SORCS2: variants seen among roughly 807,000 people sequenced by gnomAD.
SORCS2 encodes sortilin related VPS10 domain containing receptor 2.
A neutral mutation model predicts 141.6 loss-of-function variants in SORCS2; 100 were observed. The ratio of observed to expected loss-of-function variants is 0.71; its 90% CI spans 0.60 to 0.83. SORCS2 has a LOEUF of 0.83. SORCS2 is among the 40% of genes least tolerant of loss of function. The pLI, the probability that SORCS2 is intolerant of heterozygous loss-of-function variation, is 0.00. For synonymous variants in SORCS2, 789 were observed against 676.9 expected (o/e 1.17, Z -2.57); for missense variants, 1,646 against 1,560.2 (o/e 1.05, Z -0.93).
intron 3 of SORCS2, among the ~76,000 whole-genome samples, chr4:7,537,180 T>TTTA (rs1330003580): frequency 1.3e-5 from 2 of 152,214 alleles, no homozygotes; most frequent in Non-Finnish European, 2.9e-5. Flanking sequence ...TGCTGAGCTG[T>TTTA]GTAACTCTGG....
chr4:7,728,284 C>T, intron 21 of SORCS2, 66 bp from the exon 22 acceptor site: 13 of 1,241,922 alleles, frequency 1.0e-5, no homozygotes, highest in Non-Finnish European at 1.4e-5. Flanking sequence ...CCCCGACCCC[C>T]ACCCTGGAGC....
At chr4:7,357,130 G>A (rs1216954315) in intron 1 of SORCS2, among the ~76,000 whole-genome samples, 1 of 152,116 alleles carries the variant, frequency 6.6e-6, no homozygotes, top group Non-Finnish European at 1.5e-5. Flanking sequence ...CCCAGGTGGT[G>A]CAGCCACACT....
intron 3 of SORCS2, among the ~76,000 whole-genome samples, chr4:7,621,760 C>T (rs912727552): frequency 2.0e-5 from 3 of 152,214 alleles, no homozygotes; most frequent in Middle Eastern, 3.2e-3. Context: ...CACTGTCCAC[C>T]GAGCTTCCCT....
At chr4:7,508,274 A>G (rs1732398921) in intron 2 of SORCS2, among the ~76,000 whole-genome samples, 1 of 92,296 alleles carries the variant, frequency 1.1e-5, no homozygotes, top group African/African-American at 4.7e-5. Context: ...GGAAAAACAG[A>G]GGGTGGCCCT....
At chr4:7,734,144 G>A (rs1347725318) in intron 24 of SORCS2, 128 bp from the exon 25 acceptor site, 2 of 645,004 alleles carry the variant, frequency 3.1e-6, no homozygotes, top group Non-Finnish European at 5.3e-6. Flanking sequence ...CCAGGGACAG[G>A]CAGGGGACAA....
At chr4:7,215,014 C>T (rs1728245047) in intron 1 of SORCS2, among the ~76,000 whole-genome samples, 1 of 152,082 alleles carries the variant, frequency 6.6e-6, no homozygotes, top group South Asian at 2.1e-4. Flanking sequence ...TCTGCCTGGG[C>T]TCCCACTTTG....
chr4:7,689,553 C>G lies in SORCS2; in HGVS notation c.1556C>G (p.Thr519Ser). The part of the protein sequence containing the change: ...DNPYVSGTVH[T>S]KDTAPGLIMG... ...CCCTACGTATCAGGCACCGTGCACA[C>G]CAAGGACACCGCCCCAGGCCTCATC... The change falls in exon 11 of 27, where the codon ACC becomes AGC. Residue 519 changes from threonine to serine, a missense_variant. Coordinates refer to ENST00000507866, the MANE Select transcript of SORCS2 (RefSeq NM_020777.3). 1 of 1,605,388 alleles carries G rather than the reference C, an allele frequency of 6.2e-7. No homozygotes were observed. The highest frequency in any genetic ancestry group is 8.5e-7 in the Non-Finnish European group (1 of 1,176,518).
chr4:7,317,361 C>T (rs1006375764), intron 1 of SORCS2, among the ~76,000 whole-genome samples: 8 of 152,210 alleles, frequency 5.3e-5, no homozygotes, highest in African/African-American at 1.9e-4. Context: ...CTGGATGAGC[C>T]CTCAAGGGTA....
At chr4:7,259,826 C>T (rs1009931384) in intron 1 of SORCS2, among the ~76,000 whole-genome samples, 2 of 152,242 alleles carry the variant, frequency 1.3e-5, no homozygotes, top group African/African-American at 4.8e-5. Flanking sequence ...AAGTCGGCCC[C>T]CTGCACTGCT....
intron 3 of SORCS2, among the ~76,000 whole-genome samples, chr4:7,613,618 C>T (rs1372811271): frequency 2.0e-5 from 3 of 152,138 alleles, no homozygotes; most frequent in African/African-American, 7.2e-5. Context: ...CAAGAATGAC[C>T]CGTGGAGACA....
At chr4:7,303,998 A>T (rs1401449656) in intron 1 of SORCS2, among the ~76,000 whole-genome samples, 18 of 152,270 alleles carry the variant, frequency 1.2e-4, no homozygotes, top group African/African-American at 3.6e-4. Context: ...AACTGTGAGA[A>T]GCAGGTGCTA....
chr4:7,661,646 G>A (rs771387623), intron 6 of SORCS2, 82 bp downstream of exon 6: 54 of 1,326,666 alleles, frequency 4.1e-5, no homozygotes, highest in Admixed American at 6.2e-5. Context: ...GTGTTCAGTC[G>A]CTTGTCCGCA....
intron 1 of SORCS2, among the ~76,000 whole-genome samples, chr4:7,324,020 A>C (rs546664271): frequency 6.6e-6 from 1 of 152,248 alleles, no homozygotes; most frequent in South Asian, 2.1e-4. Context: ...CACCATCCTT[A>C]CGCGATGGGT....
intron 3 of SORCS2, among the ~76,000 whole-genome samples, chr4:7,566,297 GTGATGGTGA>G (rs1277955661): frequency 6.7e-6 from 1 of 150,344 alleles, no homozygotes; most frequent in Non-Finnish European, 1.5e-5. Flanking sequence ...TGTGTTAATG[GTGATGGTGA>G]TGATGGTGAT....
chr4:7,719,107 C>T (rs4689838), intron 18 of SORCS2, among the ~76,000 whole-genome samples: 57,871 of 152,172 alleles, frequency 0.38, 12,347 homozygotes, highest in Non-Finnish European at 0.49. Context: ...TTCCTGGACA[C>T]TTGGCTCTCC....
At chr4:7,571,118 C>T (rs1035173275) in intron 3 of SORCS2, among the ~76,000 whole-genome samples, 1 of 152,250 alleles carries the variant, frequency 6.6e-6, no homozygotes, top group Non-Finnish European at 1.5e-5. Flanking sequence ...CCCTGGACAC[C>T]TCTCATGCTG....
chr4:7,236,077 G>A (rs1411095415), intron 1 of SORCS2, among the ~76,000 whole-genome samples: 2 of 152,210 alleles, frequency 1.3e-5, no homozygotes, highest in Non-Finnish European at 2.9e-5. Context: ...GGGTAAACAC[G>A]TGCCTGTTGG....
At chr4:7,301,520 C>T (rs1577373635) in intron 1 of SORCS2, among the ~76,000 whole-genome samples, 2 of 152,190 alleles carry the variant, frequency 1.3e-5, no homozygotes, top group African/African-American at 4.8e-5. Flanking sequence ...GCTGGGCTGA[C>T]CCCTGAGTAT....
chr4:7,627,010 G>A (rs1474673067), intron 3 of SORCS2, among the ~76,000 whole-genome samples: 2 of 151,914 alleles, frequency 1.3e-5, no homozygotes, highest in African/African-American at 4.8e-5. Flanking sequence ...TTTTGAGACA[G>A]GGTCTGGCTC....
Sources: allele counts gnomAD v4.1 joint callset (sites outside exome capture counted in the v4.1 genomes callset), GRCh38; gene constraint gnomAD v4.1.1; transcripts MANE v1.5; gene names NCBI Gene and HGNC (gene_info 2026-07-23, HGNC 2026-07-21).